TANGO2: variants seen among roughly 807,000 people sequenced by gnomAD.
TANGO2 encodes the protein transport and golgi organization 2 homolog, also known as transport and Golgi organization protein 2 homolog.
In TANGO2, 26 loss-of-function variants were observed where a neutral mutation model predicts 39.1. The observed-to-expected ratio is 0.67, with a 90% CI of 0.49 to 0.92. The LOEUF (loss-of-function observed/expected upper bound fraction) is 0.92. TANGO2 is among the 40% of genes least tolerant of loss of function. The probability of loss-of-function intolerance (pLI) is 0.00; values close to 1 mark genes in which losing one functional copy is unlikely to be tolerated. For missense variants in TANGO2, 326 were observed against 360.1 expected, an observed-to-expected ratio of 0.91 and a Z score of 0.77; for synonymous variants, 131 against 144.5, an observed-to-expected ratio of 0.91 and a Z score of 0.67.
chr22:20,029,982 A>G (rs945277778), intron 1 of TANGO2, among the ~76,000 whole-genome samples: 1 of 152,070 alleles, frequency 6.6e-6, no homozygotes, highest in Non-Finnish European at 1.5e-5. Flanking sequence ...CACGACGCAC[A>G]TCCTTTCGTC....
intron 1 of TANGO2, among the ~76,000 whole-genome samples, chr22:20,032,902 G>A (rs2042131671): frequency 2.0e-5 from 3 of 152,202 alleles, no homozygotes; most frequent in Admixed American, 6.5e-5. Flanking sequence ...TATATCCATG[G>A]CTCCCTCCCA....
intron 1 of TANGO2, among the ~76,000 whole-genome samples, chr22:20,023,098 A>G (rs2040024564): frequency 6.6e-6 from 1 of 152,166 alleles, no homozygotes; most frequent in African/African-American, 2.4e-5. Context: ...TTTTCTCTCA[A>G]CTTCCCTTTT....
At chr22:20,043,643 C>T (rs1224790307) in intron 3 of TANGO2, among the ~76,000 whole-genome samples, 200 bp downstream of exon 3, 1 of 152,166 alleles carries the variant, frequency 6.6e-6, no homozygotes, top group African/African-American at 2.4e-5. Flanking sequence ...GTCTGCGTGG[C>T]TTCCTGTGCC....
chr22:20,034,082 G>A (rs904149419), intron 1 of TANGO2, among the ~76,000 whole-genome samples: 3 of 152,220 alleles, frequency 2.0e-5, no homozygotes, highest in African/African-American at 4.8e-5. Flanking sequence ...GCGCATGCCT[G>A]TAATCCCAGC....
intron 1 of TANGO2, among the ~76,000 whole-genome samples, chr22:20,022,242 C>A (rs2039852363): frequency 6.6e-6 from 1 of 152,240 alleles, no homozygotes; most frequent in Non-Finnish European, 1.5e-5. Context: ...GAGCCAGGGC[C>A]TGCTCCCAGT....
intron 7 of TANGO2, 68 bp downstream of exon 7, chr22:20,061,751 C>G (rs1296710572): frequency 1.4e-6 from 2 of 1,471,804 alleles, no homozygotes; most frequent in Non-Finnish European, 1.8e-6. Context: ...AAAGGCAGGC[C>G]CTGCTGCCCC....
At chr22:20,051,531 C>G (rs1428878894) in intron 3 of TANGO2, among the ~76,000 whole-genome samples, 2 of 151,854 alleles carry the variant, frequency 1.3e-5, no homozygotes, top group African/African-American at 2.4e-5. Context: ...AACTCTGTCT[C>G]AAAAAGTAAT....
At chr22:20,049,660 C>CA (rs695789) in intron 3 of TANGO2, among the ~76,000 whole-genome samples, 10,665 of 86,856 alleles carry the variant, frequency 0.12, 482 homozygotes, top group Middle Eastern at 0.19. Context: ...AACTCTGTCT[C>CA]AAAAAAAAAA....
intron 5 of TANGO2, chr22:20,055,143 C>G (rs2047104559): frequency 6.6e-6 from 1 of 152,226 alleles, no homozygotes; most frequent in Non-Finnish European, 1.5e-5. Context: ...TGCCCAGCAT[C>G]TGGCCTGGGA....
At chr22:20,042,419 T>C (rs2044134954) in intron 2 of TANGO2, among the ~76,000 whole-genome samples, 1 of 152,212 alleles carries the variant, frequency 6.6e-6, no homozygotes, top group African/African-American at 2.4e-5. Context: ...TTTTCTTTCC[T>C]CAAGACCAGG....
At chr22:20,046,023 C>T (rs550333811) in intron 3 of TANGO2, among the ~76,000 whole-genome samples, 1 of 152,240 alleles carries the variant, frequency 6.6e-6, no homozygotes, top group African/African-American at 2.4e-5. Flanking sequence ...GCCCCAGTGT[C>T]ATATAGTCTC....
intron 5 of TANGO2, chr22:20,054,440 A>T (rs2147588482): frequency 6.6e-6 from 1 of 152,584 alleles, no homozygotes; most frequent in East Asian, 1.9e-4. Context: ...GTCTCAGGAG[A>T]GTTCCTCTGC....
At position 20,066,150 on chromosome 22, in the gene TANGO2, A is replaced by G. The variant is rs1239584427; in HGVS notation, c.*1488A>G. 2 of 152,238 alleles carry G rather than the reference A, an allele frequency of 1.3e-5. No individual in the cohort carries two copies. Among genetic ancestry groups the G allele is most frequent in the South Asian group, 4.1e-4 (2 of 4,830 alleles). The allele number at this position is 152,238 out of a possible 1,614,324, so 9.4% of individuals were successfully genotyped here. ...GTAGATGCTGATTATGGGGCCAGCC[A>G]CCCATACAGGTCTATCAGGTCGCAA... On this transcript the variant is annotated 3_prime_UTR_variant, in exon 9 of 9. Coordinates refer to ENST00000327374, the MANE Select transcript of TANGO2 (RefSeq NM_152906.7).
chr22:20,033,528 T>C (rs2042266011), intron 1 of TANGO2, among the ~76,000 whole-genome samples: 1 of 152,214 alleles, frequency 6.6e-6, no homozygotes. Context: ...TGAAGTTGAT[T>C]GAGACCAACG....
intron 1 of TANGO2, among the ~76,000 whole-genome samples, chr22:20,033,786 G>A (rs1278214227): frequency 6.6e-6 from 1 of 152,272 alleles, no homozygotes; most frequent in Non-Finnish European, 1.5e-5. Flanking sequence ...AGCCCAGCGT[G>A]TTCCCCATCT....
Position 20,057,453 on chromosome 22 carries a change from GGT to G in TANGO2, c.451+1442_451+1443del, listed in dbSNP as rs1214019597. Among the ~76,000 whole-genome samples, 2 of 152,172 alleles carry G rather than the reference GGT, an allele frequency of 1.3e-5. No individual in the cohort carries two copies. The highest frequency in any genetic ancestry group is 4.8e-5 in the African/African-American group (2 of 41,430). On this transcript the variant is annotated intron_variant, in intron 6 of 8. Transcript: ENST00000327374. The surrounding 1 kb of genome is among the most constrained non-coding windows in gnomAD (Gnocchi z 4.1). ...CCCACTGCCCCCACGCCTACCAGCT[GGT>G]GCCCTCTCCTCCACCTGGGGCTTAT...
chr22:20,051,491 A>G (rs952402619), intron 3 of TANGO2, among the ~76,000 whole-genome samples: 1 of 152,058 alleles, frequency 6.6e-6, no homozygotes, highest in Non-Finnish European at 1.5e-5. Flanking sequence ...AGAGCACACC[A>G]TTGCACTCCA....
At position 20,056,029 on chromosome 22, in the gene TANGO2, C is replaced by T; in HGVS notation, c.451+16C>T. ...TTGACGCCAGGTGAGCCTGCCCTGG[C>T]AGCCTGATGGGGTGGGGGACTGTTT... On this transcript the variant is annotated intron_variant, in intron 6 of 8. Coordinates refer to ENST00000327374, the MANE Select transcript of TANGO2 (RefSeq NM_152906.7). 1 of 1,609,026 alleles carries T rather than the reference C, an allele frequency of 6.2e-7. No homozygotes were observed.
chr22:20,063,950 G>A (rs1044294384), intron 8 of TANGO2, among the ~76,000 whole-genome samples: 4 of 152,262 alleles, frequency 2.6e-5, no homozygotes, highest in Admixed American at 6.5e-5. Flanking sequence ...GGTGCACTGC[G>A]TATGTGTCTG....
Sources: allele counts gnomAD v4.1 joint callset (sites outside exome capture counted in the v4.1 genomes callset), GRCh38; gene constraint gnomAD v4.1.1; non-coding constraint Gnocchi (gnomAD v3.1); transcripts MANE v1.5; gene names NCBI Gene and HGNC (gene_info 2026-07-23, HGNC 2026-07-21).